Variants in SHISA6 observed in about 807,000 individuals in gnomAD.
The protein encoded by SHISA6 is shisa family member 6, also known as protein shisa-6.
In SHISA6, 22 loss-of-function variants were observed where a neutral mutation model predicts 47.9. That is an observed-to-expected ratio of 0.46 (90% CI 0.33 to 0.66). SHISA6 has a LOEUF of 0.66. Ranked by LOEUF, SHISA6 falls within the 30% of genes least tolerant of loss-of-function variation. The probability of loss-of-function intolerance (pLI) is 0.02; values close to 1 mark genes in which losing one functional copy is unlikely to be tolerated. For synonymous variants in SHISA6, 388 were observed against 337.8 expected (o/e 1.15, Z -1.63); for missense variants, 680 against 764.6 (o/e 0.89, Z 1.30).
chr17:11,349,403 A>G (rs765108138), intron 2 of SHISA6, among the ~76,000 whole-genome samples: 4 of 152,330 alleles, frequency 2.6e-5, no homozygotes, highest in Middle Eastern at 3.4e-3. Context: ...TTGGGAGTAA[A>G]TACATCAGCC....
At chr17:11,481,063 GA>G (rs1405885251) in intron 3 of SHISA6, among the ~76,000 whole-genome samples, 2 of 152,112 alleles carry the variant, frequency 1.3e-5, no homozygotes, top group African/African-American at 2.4e-5. Context: ...TGGATCACTT[GA>G]GGCCAGGAGT....
At chr17:11,383,288 C>T (rs964432040) in intron 3 of SHISA6, among the ~76,000 whole-genome samples, 3 of 152,066 alleles carry the variant, frequency 2.0e-5, no homozygotes, top group African/African-American at 7.2e-5. Context: ...ACAGAAGCAC[C>T]GTCTAGCATC....
intron 2 of SHISA6, 104 bp from the exon 3 acceptor site, chr17:11,379,310 T>C: frequency 1.5e-6 from 1 of 671,678 alleles, no homozygotes; most frequent in Non-Finnish European, 2.4e-6. Context: ...TAGCTGCTGG[T>C]TTGAAAACAT....
intron 2 of SHISA6, among the ~76,000 whole-genome samples, chr17:11,348,974 G>A (rs973374576): frequency 6.6e-6 from 1 of 152,132 alleles, no homozygotes; most frequent in African/African-American, 2.4e-5. Flanking sequence ...TCACTAGTGG[G>A]GGAAACCATA....
chr17:11,397,003 G>A (rs1428605018), intron 3 of SHISA6, among the ~76,000 whole-genome samples: 8 of 152,204 alleles, frequency 5.3e-5, no homozygotes, highest in Non-Finnish European at 1.2e-4. Context: ...GGCTGGAAAC[G>A]GTTCTCCTAT....
At chr17:11,336,583 C>G (rs1911330976) in intron 2 of SHISA6, among the ~76,000 whole-genome samples, 1 of 152,192 alleles carries the variant, frequency 6.6e-6, no homozygotes, top group Admixed American at 6.5e-5. Context: ...CGTCACACGC[C>G]TGGGGCTTGC....
In SHISA6 at chr17:11,311,434, G is replaced by C. The variant is rs187461565; in HGVS notation, c.799+47908G>C. Among the ~76,000 whole-genome samples the C allele has an allele frequency of 1.8e-3, 270 of 152,214 alleles. 6 individuals are homozygous for C. In the East Asian group the frequency reaches 0.044, roughly 25 times the overall value. On this transcript the variant is annotated intron_variant, in intron 2 of 5. Coordinates refer to ENST00000441885, the MANE Select transcript of SHISA6 (RefSeq NM_207386.4). The stretch of plus-strand genomic sequence containing the variant: ...TGATGTGGCAGGTCTTGGAGTCATG[G>C]CTATACTAGTAAAATGCATTGGAAA...
intron 2 of SHISA6, among the ~76,000 whole-genome samples, chr17:11,283,254 A>T (rs1201510950): frequency 6.6e-6 from 1 of 152,236 alleles, no homozygotes; most frequent in Non-Finnish European, 1.5e-5. Context: ...GTAAATGTAT[A>T]TATGTATCAG....
intron 3 of SHISA6, among the ~76,000 whole-genome samples, chr17:11,459,921 G>T (rs1915653362): frequency 2.6e-5 from 4 of 152,164 alleles, no homozygotes; most frequent in South Asian, 2.1e-4. Flanking sequence ...TGATAGGAGC[G>T]ATTGCTCATC....
chr17:11,384,909 C>G (rs189859401), intron 3 of SHISA6, among the ~76,000 whole-genome samples: 108 of 152,292 alleles, frequency 7.1e-4, no homozygotes, highest in African/African-American at 2.5e-3. Context: ...CTACAGTGAT[C>G]GCTCTGTTGT....
At chr17:11,510,306 T>C (rs759686500) in intron 3 of SHISA6, among the ~76,000 whole-genome samples, 8 of 152,156 alleles carry the variant, frequency 5.3e-5, no homozygotes, top group Non-Finnish European at 8.8e-5. Flanking sequence ...CACCATGTCC[T>C]TACCTGTCTG....
At position 11,558,482 on chromosome 17, in the gene SHISA6, G is replaced by T. The variant is rs2072006369; in HGVS notation, c.*178G>T. 1 of 661,754 alleles carries T rather than the reference G, an allele frequency of 1.5e-6. No homozygotes were observed. Among genetic ancestry groups the T allele is most frequent in the Non-Finnish European group, 2.5e-6 (1 of 392,912 alleles). The allele number at this position is 661,754 out of a possible 1,614,324, so 41.0% of individuals were successfully genotyped here. A position where few individuals can be genotyped will look rare whatever the true frequency, so the allele number is the denominator to read the frequency against. On this transcript the variant is annotated 3_prime_UTR_variant, in exon 6 of 6. Transcript: ENST00000441885. The stretch of plus-strand genomic sequence containing the variant: ...CCCGGGGACACAGCCCCGATGGCCT[G>T]GTCCAATACACTTAGACCCAGGACC...
chr17:11,528,649 G>A (rs1348718787), intron 3 of SHISA6, among the ~76,000 whole-genome samples: 3 of 152,040 alleles, frequency 2.0e-5, no homozygotes, highest in Non-Finnish European at 4.4e-5. Flanking sequence ...TAATAACAAA[G>A]AACTGGCTGA....
chr17:11,539,672 G>A (rs978565932), intron 3 of SHISA6, among the ~76,000 whole-genome samples: 1 of 152,234 alleles, frequency 6.6e-6, no homozygotes, highest in African/African-American at 2.4e-5. Flanking sequence ...TCAGTGGGCA[G>A]AGGGGCCCCA....
chr17:11,451,003 A>AG (rs1163344491), intron 3 of SHISA6, among the ~76,000 whole-genome samples: 1 of 151,244 alleles, frequency 6.6e-6, no homozygotes, highest in Non-Finnish European at 1.5e-5. Context: ...ATTAAAAAAA[A>AG]AAAAAAAAAA....
intron 3 of SHISA6, among the ~76,000 whole-genome samples, chr17:11,514,132 C>A (rs1213195447): frequency 6.6e-6 from 1 of 152,160 alleles, no homozygotes; most frequent in Non-Finnish European, 1.5e-5. Context: ...GGCACCCTCT[C>A]CTCTTCGTGG....
At chr17:11,254,860 G>A (rs763003243) in intron 1 of SHISA6, among the ~76,000 whole-genome samples, 2 of 152,230 alleles carry the variant, frequency 1.3e-5, no homozygotes, top group African/African-American at 2.4e-5. Flanking sequence ...CTCATGGGAC[G>A]TGGGTTCAAC....
At chr17:11,456,712 C>G (rs868809448) in intron 3 of SHISA6, among the ~76,000 whole-genome samples, 87 of 152,304 alleles carry the variant, frequency 5.7e-4, no homozygotes, top group African/African-American at 2.0e-3. Context: ...GGACCGCCCC[C>G]CTCTGCACAC....
At chr17:11,275,971 T>G (rs1022480192) in intron 2 of SHISA6, among the ~76,000 whole-genome samples, 10 of 150,954 alleles carry the variant, frequency 6.6e-5, no homozygotes, top group Non-Finnish European at 1.3e-4. Flanking sequence ...CTAGATTCTG[T>G]TTTTTGTTTT....
Sources: allele counts gnomAD v4.1 joint callset (sites outside exome capture counted in the v4.1 genomes callset), GRCh38; gene constraint gnomAD v4.1.1; transcripts MANE v1.5; gene names NCBI Gene and HGNC (gene_info 2026-07-23, HGNC 2026-07-21).